The following PABPC4L variants were observed in gnomAD, a reference collection of about 807,000 sequenced individuals.
The protein encoded by PABPC4L is poly(A) binding protein cytoplasmic 4 like, also known as polyadenylate-binding protein 4-like.
For missense variants in PABPC4L, 452 were observed against 451.4 expected (o/e 1.00, Z -0.01); for synonymous variants, 169 against 164.1 (o/e 1.03, Z -0.23).
At position 134,199,047 on chromosome 4, in the gene PABPC4L, A is replaced by G. The variant is rs956481788; in HGVS notation, c.*860T>C. 1.3e-5 allele frequency: 2 copies of G among 152,076 alleles called. No homozygotes were observed. The highest frequency in any genetic ancestry group is 2.9e-5 in the Non-Finnish European group (2 of 67,926). The allele number at this position is 152,076 out of a possible 1,614,324, so 9.4% of individuals were successfully genotyped here. A position where few individuals can be genotyped will look rare whatever the true frequency, so the allele number is the denominator to read the frequency against. Reference sequence around the variant, plus strand: ...AACAGAATTTCTATAATCTGTATGTATGATTTTCATAATATTAGCATCTGG... The same window carrying G: ...AACAGAATTTCTATAATCTGTATGTGTGATTTTCATAATATTAGCATCTGG... On this transcript the variant is annotated 3_prime_UTR_variant, in exon 2 of 2. Transcript: ENST00000421491.
chr4:134,145,034 G>A, the PABPC4L span, among the ~76,000 whole-genome samples: 111 of 151,780 alleles, frequency 7.3e-4, no homozygotes, highest in African/African-American at 2.5e-3. Flanking sequence ...TCTATAGTAC[G>A]TTCAAGTGTT....
the PABPC4L span, among the ~76,000 whole-genome samples, chr4:133,955,197 A>C: frequency 6.6e-6 from 1 of 152,062 alleles, no homozygotes; most frequent in South Asian, 2.1e-4. Context: ...GTTTCAGTTT[A>C]CTCATGGCAT....
At chr4:134,169,445 A>G in the PABPC4L span, among the ~76,000 whole-genome samples, 1 of 152,114 alleles carries the variant, frequency 6.6e-6, no homozygotes, top group East Asian at 1.9e-4. Flanking sequence ...TCCTAGCTAG[A>G]GCAATCAGAC....
chr4:134,015,546 GC>G, the PABPC4L span, among the ~76,000 whole-genome samples: 3 of 152,102 alleles, frequency 2.0e-5, no homozygotes, highest in Non-Finnish European at 4.4e-5. Flanking sequence ...TTCACAGACA[GC>G]CCCCATTACT....
At chr4:133,997,268 T>C in the PABPC4L span, among the ~76,000 whole-genome samples, 3 of 152,178 alleles carry the variant, frequency 2.0e-5, no homozygotes, top group Admixed American at 6.5e-5. Flanking sequence ...GAAGAATACA[T>C]GTCAAAAGCC....
chr4:134,029,747 T>A, the PABPC4L span, among the ~76,000 whole-genome samples: 1 of 151,922 alleles, frequency 6.6e-6, no homozygotes, highest in African/African-American at 2.4e-5. Context: ...ATATAACATA[T>A]ATATGAAATG....
At chr4:134,100,424 T>C in the PABPC4L span, among the ~76,000 whole-genome samples, 1 of 151,608 alleles carries the variant, frequency 6.6e-6, no homozygotes, top group Non-Finnish European at 1.5e-5. Flanking sequence ...CTAAAACCCT[T>C]GCATTTTCCT....
the PABPC4L span, among the ~76,000 whole-genome samples, chr4:133,970,792 ACT>A: frequency 6.6e-6 from 1 of 151,704 alleles, no homozygotes; most frequent in South Asian, 2.1e-4. Context: ...GACCAAGAGA[ACT>A]CTCTCACCCC....
At chr4:133,957,829 G>A in the PABPC4L span, among the ~76,000 whole-genome samples, 7 of 152,154 alleles carry the variant, frequency 4.6e-5, no homozygotes, top group African/African-American at 9.7e-5. Flanking sequence ...TTAGTGTCCC[G>A]AGCTGTACCC....
At chr4:133,974,561 T>C in the PABPC4L span, among the ~76,000 whole-genome samples, 1 of 152,092 alleles carries the variant, frequency 6.6e-6, no homozygotes, top group African/African-American at 2.4e-5. Context: ...GTGTTTCAAG[T>C]GATACTATCA....
chr4:134,080,706 C>T, the PABPC4L span, among the ~76,000 whole-genome samples: 1 of 152,006 alleles, frequency 6.6e-6, no homozygotes, highest in African/African-American at 2.4e-5. Context: ...TAGGAAGTGA[C>T]ACAACAAAAT....
At chr4:134,053,003 A>G in the PABPC4L span, among the ~76,000 whole-genome samples, 1 of 152,062 alleles carries the variant, frequency 6.6e-6, no homozygotes, top group Non-Finnish European at 1.5e-5. Flanking sequence ...TCTTTAAAAA[A>G]TTCTGTTGTC....
the PABPC4L span, among the ~76,000 whole-genome samples, chr4:134,132,925 A>G: frequency 6.9e-6 from 1 of 145,966 alleles, no homozygotes; most frequent in Non-Finnish European, 1.5e-5. Flanking sequence ...TATTATATAT[A>G]AATTATACAT....
At chr4:134,174,348 T>C in the PABPC4L span, among the ~76,000 whole-genome samples, 2 of 152,132 alleles carry the variant, frequency 1.3e-5, no homozygotes, top group South Asian at 4.1e-4. Context: ...GTATAGTAAG[T>C]TCATAAACCA....
the PABPC4L span, among the ~76,000 whole-genome samples, chr4:134,173,488 A>T: frequency 1.3e-5 from 2 of 152,120 alleles, no homozygotes; most frequent in Non-Finnish European, 2.9e-5. Flanking sequence ...GTTCTCACTC[A>T]TATGTGGGAA....
At chr4:134,073,709 A>T in the PABPC4L span, among the ~76,000 whole-genome samples, 8 of 152,186 alleles carry the variant, frequency 5.3e-5, no homozygotes, top group African/African-American at 7.2e-5. Context: ...ATTTCCATAT[A>T]TCTCTGAAAT....
At chr4:134,016,980 G>T in the PABPC4L span, among the ~76,000 whole-genome samples, 2 of 152,124 alleles carry the variant, frequency 1.3e-5, no homozygotes, top group Non-Finnish European at 2.9e-5. Context: ...ATAGGTAGAG[G>T]CCTTTCCTAC....
At chr4:134,024,332 A>C in the PABPC4L span, among the ~76,000 whole-genome samples, 1 of 152,164 alleles carries the variant, frequency 6.6e-6, no homozygotes, top group South Asian at 2.1e-4. Flanking sequence ...ACAAAAATAT[A>C]ACAAACTCAG....
At chr4:134,182,625 T>C in the PABPC4L span, among the ~76,000 whole-genome samples, 1 of 151,940 alleles carries the variant, frequency 6.6e-6, no homozygotes, top group East Asian at 1.9e-4. Context: ...CTAAAGAGTT[T>C]TTGCACAGGA....
Sources: gnomAD v4.1 joint callset for allele counts (sites outside exome capture counted in the v4.1 genomes callset) on GRCh38, gnomAD v4.1.1 for gene constraint, MANE v1.5 for transcripts, NCBI Gene and HGNC (gene_info 2026-07-23, HGNC 2026-07-21) for gene names.